Variants in WDHD1 observed in about 807,000 individuals in gnomAD.
The protein encoded by WDHD1 is WD repeat and HMG-box DNA-binding protein 1.
A neutral mutation model predicts 135.4 loss-of-function variants in WDHD1; 111 were observed. That is an observed-to-expected ratio of 0.82 (90% CI 0.70 to 0.96). The LOEUF (loss-of-function observed/expected upper bound fraction) is 0.96. WDHD1 is among the 40% of genes least tolerant of loss of function. The pLI is 0.00. For missense variants in WDHD1, 1,351 were observed against 1,336.3 expected (o/e 1.01, Z -0.17); for synonymous variants, 434 against 439.0 (o/e 0.99, Z 0.14).
In WDHD1 at chr14:54,963,186, G is replaced by T. The variant is rs759008045; in HGVS notation, c.2311-14C>A. On this transcript the variant is annotated splice_polypyrimidine_tract_variant and intron_variant, in intron 18 of 25. Coordinates refer to ENST00000360586, the MANE Select transcript of WDHD1 (RefSeq NM_007086.4). ...TTTACAAGAAAGCTAATCCAAAAAG[G>T]GGGGGGGGGGGGAGATCAAATAACA... 15 of 185,424 alleles carry T rather than the reference G, an allele frequency of 8.1e-5. No homozygotes were observed. The highest frequency in any genetic ancestry group is 2.5e-4 in the African/African-American group (2 of 8,052). 11.5% of individuals were successfully genotyped at this position (185,424 alleles called of 1,614,324 possible).
In WDHD1 at chr14:55,007,279, C is replaced by T; in HGVS notation, c.600+1G>A. ...AGAAAAGAAAAATAAGAATCACTTA[C>T]CTTCCCACTTTTTGGCTGCCAAGCA... is the stretch of plus-strand genomic sequence containing the variant. On this transcript the variant is annotated splice_donor_variant, in intron 7 of 25. Coordinates refer to ENST00000360586, the MANE Select transcript of WDHD1 (RefSeq NM_007086.4). LOFTEE classifies it high-confidence loss of function. The T allele has an allele frequency of 1.3e-6, 2 of 1,568,814 alleles. No individual in the cohort carries two copies. Among genetic ancestry groups the T allele is most frequent in the Non-Finnish European group, 1.7e-6 (2 of 1,160,896 alleles).
At chr14:55,022,292 C>T (rs2042361687) in intron 2 of WDHD1, among the ~76,000 whole-genome samples, 2 of 152,114 alleles carry the variant, frequency 1.3e-5, no homozygotes, top group South Asian at 4.1e-4. Flanking sequence ...CCCTTCAAGG[C>T]CCGGGGGTTA....
At position 54,957,037 on chromosome 14, in the gene WDHD1, C is replaced by T. The variant is rs1337463114; in HGVS notation, c.2913G>A (p.Lys971=). 4 of 1,613,118 alleles carry T rather than the reference C, an allele frequency of 2.5e-6. No individual in the cohort carries two copies. Among genetic ancestry groups the T allele is most frequent in the East Asian group, 2.2e-5 (1 of 44,888 alleles). ...IKPLIPKPKP[K]QASAASYFQK... is the part of the protein sequence containing the mutation. ...ATGAGGGTAGCTGAAACAGTACCTG[C>T]TTAGGCTTCGGCTTTGGAATCAGAG... is the stretch of plus-strand genomic sequence containing the variant. Residue 971 remains lysine, a synonymous_variant, in exon 23 of 26, where the codon AAG becomes AAA. Transcript: ENST00000360586.
At chr14:55,011,119 A>G (rs1239544141) in intron 3 of WDHD1, among the ~76,000 whole-genome samples, 2 of 152,236 alleles carry the variant, frequency 1.3e-5, no homozygotes, top group African/African-American at 2.4e-5. Context: ...CTTTGTGGCA[A>G]TTTGTTACAG....
chr14:55,005,245 A>C (rs1271648676), intron 7 of WDHD1: 1 of 539,932 alleles, frequency 1.9e-6, no homozygotes, highest in Non-Finnish European at 3.6e-6. Flanking sequence ...AATCTGTGTG[A>C]CACAGAGCAA....
intron 15 of WDHD1, 137 bp from the exon 16 acceptor site, chr14:54,981,833 GATT>G: frequency 4.1e-6 from 2 of 492,752 alleles, no homozygotes; most frequent in Non-Finnish European, 7.0e-6. Context: ...AATAATCTAA[GATT>G]ATTACGTAAA....
chr14:55,015,379 CAAAAAAAAAAAAAAA>C (rs60609405), intron 2 of WDHD1, among the ~76,000 whole-genome samples: 2 of 54,440 alleles, frequency 3.7e-5, no homozygotes, highest in Non-Finnish European at 6.0e-5. Context: ...GACACTGTCT[CAAAAAAAAAAAAAAA>C]AAAAAAAAAA....
chr14:54,963,113 T>C lies in WDHD1; in HGVS notation c.2370A>G (p.Gln790=). 6.3e-7 allele frequency: 1 copy of C among 1,591,904 alleles called. No individual in the cohort carries two copies. The highest frequency in any genetic ancestry group is 8.6e-7 in the Non-Finnish European group (1 of 1,168,944). ...RCVELADLMT[Q]NAVNLAIKYA... ...ATTTAATGGCTAAATTCACAGCATTTTGAGTCATTAGATCAGCAAGTTCCA... is the reference window on the plus strand; with the variant it reads ...ATTTAATGGCTAAATTCACAGCATTCTGAGTCATTAGATCAGCAAGTTCCA... The change falls in exon 19 of 26, where the codon CAA becomes CAG. Residue 790 remains glutamine, a synonymous_variant. Coordinates refer to ENST00000360586, the MANE Select transcript of WDHD1 (RefSeq NM_007086.4).
intron 16 of WDHD1, among the ~76,000 whole-genome samples, chr14:54,970,162 C>T (rs1220846218): frequency 1.3e-5 from 2 of 152,198 alleles, no homozygotes; most frequent in Non-Finnish European, 2.9e-5. Context: ...CCACTCTTTT[C>T]ACTCATATTT....
rs376491693 is a variant in WDHD1, at chr14:54,987,272, C to T, written c.1642G>A (p.Ala548Thr). Residue 548 changes from alanine (A) to threonine (T), a missense_variant, in exon 14 of 26, where the codon GCT becomes ACT. Transcript: ENST00000360586. Reference sequence around the variant, plus strand: ...AATCGAAGAAGCAGGGCACTAGTAGCGGCAGCAGCCCATCCTTGACCGAGA... The same window carrying T: ...AATCGAAGAAGCAGGGCACTAGTAGTGGCAGCAGCCCATCCTTGACCGAGA... ...ICLGQGWAAA[A>T]TSALLLRLFT... 1.7e-5 allele frequency: 28 copies of T among 1,614,070 alleles called. No homozygotes were observed. The highest frequency in any genetic ancestry group is 1.7e-4 in the African/African-American group (13 of 75,022).
At chr14:54,983,279 A>C (rs1372799534) in intron 15 of WDHD1, among the ~76,000 whole-genome samples, 1 of 152,208 alleles carries the variant, frequency 6.6e-6, no homozygotes, top group East Asian at 1.9e-4. Flanking sequence ...ATCCAAAAGA[A>C]ATATCATGTG....
intron 12 of WDHD1, 27 bp downstream of exon 12, chr14:54,991,183 TAAG>T (rs2041779408): frequency 3.1e-6 from 4 of 1,284,128 alleles, no homozygotes; most frequent in Non-Finnish European, 4.4e-6. Context: ...GAAAACCTAC[TAAG>T]AAGTTAAGTG....
intron 16 of WDHD1, among the ~76,000 whole-genome samples, chr14:54,980,815 A>AAC (rs2140188984): frequency 6.7e-6 from 1 of 149,712 alleles, no homozygotes; most frequent in African/African-American, 2.5e-5. Context: ...AAAAAAAAAA[A>AAC]AAAAAAAAAA....
chr14:55,006,227 A>T (rs2042067030), intron 7 of WDHD1, among the ~76,000 whole-genome samples: 1 of 152,174 alleles, frequency 6.6e-6, no homozygotes, highest in African/African-American at 2.4e-5. Flanking sequence ...TGACATCTTT[A>T]TTTATATCAA....
intron 21 of WDHD1, among the ~76,000 whole-genome samples, chr14:54,959,334 G>T (rs2140163628): frequency 7.3e-6 from 1 of 136,390 alleles, no homozygotes; most frequent in Admixed American, 7.2e-5. Flanking sequence ...GGGGGTTGAG[G>T]CTGCAGTGAG....
intron 24 of WDHD1, among the ~76,000 whole-genome samples, chr14:54,948,266 G>A (rs10129318): frequency 0.31 from 47,179 of 151,904 alleles, 7,475 homozygotes; most frequent in African/African-American, 0.37. Context: ...CACCTCACCC[G>A]GGAAGCGCAA....
rs762746517 is a variant in WDHD1, at chr14:54,957,057, T to C, written c.2893A>G (p.Ile965Val). 6.2e-7 allele frequency: 1 copy of C among 1,613,912 alleles called. No homozygotes were observed. Among genetic ancestry groups the C allele is most frequent in the African/African-American group, 1.3e-5 (1 of 74,920 alleles). The change falls in exon 23 of 26, where the codon ATT (isoleucine) becomes GTT (valine). Residue 965 changes from isoleucine to valine, a missense_variant. Physicochemically the swap from Ile to Val is conservative, Grantham distance 29. Around this residue, in one of 2 missense-constraint regions of WDHD1, gnomAD observed 1,330 missense variants for 1,296.1 expected, o/e 1.03. Transcript: ENST00000360586. ...NEKSPIIKPLIPKPKPKQASA... is the reference protein window; with the variant it reads ...NEKSPIIKPLVPKPKPKQASA... ...ACCTGCTTAGGCTTCGGCTTTGGAATCAGAGGCTTTATAATGGGAGACTTT... is the reference window on the plus strand; with the variant it reads ...ACCTGCTTAGGCTTCGGCTTTGGAACCAGAGGCTTTATAATGGGAGACTTT...
At chr14:55,006,433 G>A (rs908391632) in intron 7 of WDHD1, among the ~76,000 whole-genome samples, 4 of 151,964 alleles carry the variant, frequency 2.6e-5, no homozygotes, top group African/African-American at 9.7e-5. Context: ...TTTGTATACA[G>A]GATAACAATC....
intron 4 of WDHD1, among the ~76,000 whole-genome samples, chr14:55,009,525 G>A (rs186691102): frequency 2.2e-4 from 33 of 151,286 alleles, no homozygotes; most frequent in East Asian, 1.8e-3. Flanking sequence ...TCTGTCTCCC[G>A]GGTTCAAGCA....
Sources: allele counts gnomAD v4.1 joint callset (sites outside exome capture counted in the v4.1 genomes callset), GRCh38; gene constraint gnomAD v4.1.1; regional missense constraint gnomAD v4.1.1; transcripts MANE v1.5; gene names NCBI Gene and HGNC (gene_info 2026-07-23, HGNC 2026-07-21).